SNAP47: variants seen among roughly 807,000 people sequenced by gnomAD.
SNAP47 encodes the protein synaptosomal-associated protein 47.
Under a neutral mutation model 31.4 loss-of-function variants are expected in SNAP47, and 20 were observed. The ratio of observed to expected loss-of-function variants is 0.64; its 90% CI spans 0.45 to 0.93. The LOEUF is 0.93. Among genes scored for constraint, SNAP47 ranks in the 40% least tolerant of loss-of-function variants. The pLI is 0.00. For synonymous variants in SNAP47, 194 were observed against 213.4 expected, an observed-to-expected ratio of 0.91 and a Z score of 0.79; for missense variants, 492 against 528.5, an observed-to-expected ratio of 0.93 and a Z score of 0.68.
intron 4 of SNAP47, chr1:227,777,336 C>T (rs985931659): frequency 1.2e-5 from 2 of 164,024 alleles, no homozygotes; most frequent in African/African-American, 4.8e-5. Context: ...GCCGGGCTGC[C>T]TGGGTCTGTT....
chr1:227,776,287 G>A, intron 4 of SNAP47: 2 of 1,005,648 alleles, frequency 2.0e-6, no homozygotes, highest in Non-Finnish European at 2.4e-6. Context: ...GGATTGTACT[G>A]TCCTTCAAGC....
intron 4 of SNAP47, chr1:227,777,109 TA>T (rs3835265): frequency 0.058 from 48,461 of 835,446 alleles, 2,131 homozygotes; most frequent in East Asian, 0.39. Flanking sequence ...ATGTCTTTTT[TA>T]AAAAAAAAAG....
In SNAP47 at chr1:227,763,030, C is replaced by T. The variant is rs1663164180; in HGVS notation, c.988+3545C>T. Reference sequence around the variant, plus strand: ...GGAGTGCAGAGGTGCAATCATAGCTCACTGTAACTTCAATCTCCTGGGCCC... The same window carrying T: ...GGAGTGCAGAGGTGCAATCATAGCTTACTGTAACTTCAATCTCCTGGGCCC... On this transcript the variant is annotated intron_variant, in intron 3 of 4. Coordinates refer to ENST00000617596, the MANE Select transcript of SNAP47 (RefSeq NM_053052.4). The surrounding 1 kb of genome is among the most constrained non-coding windows in gnomAD (Gnocchi z 4.2). 6.6e-6 allele frequency among the ~76,000 whole-genome samples: 1 copy of T among 152,088 alleles called. No homozygotes were observed. Among genetic ancestry groups the T allele is most frequent in the Admixed American group, 6.5e-5 (1 of 15,274 alleles).
chr1:227,732,919 A>G (rs752009465), upstream of SNAP47: 28 of 1,612,774 alleles, frequency 1.7e-5, no homozygotes, highest in Admixed American at 4.7e-4. Context: ...GAGTCCCTCC[A>G]CTCGCTGACC....
intron 1 of SNAP47, chr1:227,745,834 G>A (rs1353370671): frequency 6.6e-6 from 1 of 152,264 alleles, no homozygotes; most frequent in Non-Finnish European, 1.5e-5. Context: ...CTCTGGCCAA[G>A]AGGGAGAAAC....
intron 1 of SNAP47, among the ~76,000 whole-genome samples, chr1:227,745,164 C>T (rs982202164): frequency 6.6e-6 from 1 of 152,170 alleles, no homozygotes; most frequent in Non-Finnish European, 1.5e-5. Context: ...ATGTGATTTT[C>T]TATTGTTTGT....
chr1:227,751,795 G>A (rs1185434166), intron 2 of SNAP47, among the ~76,000 whole-genome samples: 4 of 108,740 alleles, frequency 3.7e-5, no homozygotes, highest in Non-Finnish European at 5.0e-5. Flanking sequence ...ACGGAGTCTC[G>A]CTCTGTCTCC....
In SNAP47 at chr1:227,762,048, A is replaced by G. The variant is rs1382584421; in HGVS notation, c.988+2563A>G. Among the ~76,000 whole-genome samples the G allele has an allele frequency of 6.6e-6, 1 of 152,178 alleles. No individual in the cohort carries two copies. The highest frequency in any genetic ancestry group is 2.4e-5 in the African/African-American group (1 of 41,442). On this transcript the variant is annotated intron_variant, in intron 3 of 4. Coordinates refer to ENST00000617596, the MANE Select transcript of SNAP47 (RefSeq NM_053052.4). This position sits in a 1 kb window ranked among gnomAD's most constrained non-coding sequence, Gnocchi z 4.2. ...TCACCTGAGTGTGGGTTGTAGCCACAGCGAGCACCGTCTTTTCACTTGCAC... is the reference window on the plus strand; with the variant it reads ...TCACCTGAGTGTGGGTTGTAGCCACGGCGAGCACCGTCTTTTCACTTGCAC...
chr1:227,768,045 A>G (rs769470130), intron 4 of SNAP47, among the ~76,000 whole-genome samples: 2 of 152,226 alleles, frequency 1.3e-5, no homozygotes, highest in African/African-American at 4.8e-5. Context: ...AAATATCTCC[A>G]TATGTATCAT....
chr1:227,728,813 C>G (rs1331138040), intron 1 of SNAP47: 1 of 152,202 alleles, frequency 6.6e-6, no homozygotes, highest in Non-Finnish European at 1.5e-5. Context: ...CGATTCCCGA[C>G]AGGAGAGGCG....
In SNAP47 at chr1:227,759,053, A is replaced by G; in HGVS notation, c.556A>G (p.Thr186Ala). 1.2e-6 allele frequency: 2 copies of G among 1,613,848 alleles called. No homozygotes were observed. The highest frequency in any genetic ancestry group is 1.3e-5 in the African/African-American group (1 of 75,044). The change falls in exon 3 of 5, where the codon ACA becomes GCA. Residue 186 changes from threonine to alanine, a missense_variant. Transcript: ENST00000617596. ...GCCCTTTAGCTCCAAGCTTTGGAAGACACCACCGGAAACAAAGCCCAGGGA... is the reference window on the plus strand; with the variant it reads ...GCCCTTTAGCTCCAAGCTTTGGAAGGCACCACCGGAAACAAAGCCCAGGGA... ...WWPFSSKLWK[T>A]PPETKPREDV...
chr1:227,732,688 G>A (rs779422952), upstream of SNAP47: 3 of 1,611,102 alleles, frequency 1.9e-6, no homozygotes, highest in African/African-American at 1.3e-5. Flanking sequence ...TGGGCAGAGG[G>A]AAGAGGCCAG....
upstream of SNAP47, chr1:227,735,309 C>A (rs1661028057): frequency 1.2e-6 from 2 of 1,603,506 alleles, no homozygotes; most frequent in Non-Finnish European, 1.7e-6. Flanking sequence ...CTCCTCCTCA[C>A]TTCCGCCGGA....
intron 2 of SNAP47, among the ~76,000 whole-genome samples, chr1:227,753,834 A>T (rs1662527803): frequency 6.6e-6 from 1 of 152,018 alleles, no homozygotes; most frequent in Admixed American, 6.5e-5. Context: ...GAGCATACAG[A>T]CAGGCAGGCT....
upstream of SNAP47, chr1:227,735,220 G>C (rs764942916): frequency 1.4e-5 from 22 of 1,593,066 alleles, no homozygotes; most frequent in Admixed American, 1.6e-4. Context: ...CGGGGACATC[G>C]ACCCCCAGGC....
At chr1:227,777,149 G>A (rs1022630456) in intron 4 of SNAP47, 2 of 824,804 alleles carry the variant, frequency 2.4e-6, no homozygotes, top group African/African-American at 1.9e-5. Flanking sequence ...TATATTCTGG[G>A]GAGATGTCAT....
At chr1:227,772,327 C>T (rs1663868775) in intron 4 of SNAP47, among the ~76,000 whole-genome samples, 1 of 151,994 alleles carries the variant, frequency 6.6e-6, no homozygotes. Flanking sequence ...GACACGAACC[C>T]ACGTTTCTGC....
Position 227,763,681 on chromosome 1 carries a change from G to A in SNAP47, c.989-3278G>A, listed in dbSNP as rs1202121789. On this transcript the variant is annotated intron_variant, in intron 3 of 4. Coordinates refer to ENST00000617596, the MANE Select transcript of SNAP47 (RefSeq NM_053052.4). The surrounding 1 kb of genome is among the most constrained non-coding windows in gnomAD (Gnocchi z 4.2). Reference sequence around the variant, plus strand: ...AGCCCCCACCTGCGCGTGCGTATTGGTTGAGTGGGAGATGGAGCACACAAG... The same window carrying A: ...AGCCCCCACCTGCGCGTGCGTATTGATTGAGTGGGAGATGGAGCACACAAG... Among the ~76,000 whole-genome samples, 1 of 152,212 alleles carries A rather than the reference G, an allele frequency of 6.6e-6. No individual in the cohort carries two copies. The highest frequency in any genetic ancestry group is 1.5e-5 in the Non-Finnish European group (1 of 68,040).
chr1:227,752,930 C>T (rs936439338), intron 2 of SNAP47, among the ~76,000 whole-genome samples: 1 of 152,218 alleles, frequency 6.6e-6, no homozygotes, highest in Non-Finnish European at 1.5e-5. Flanking sequence ...CAGCCCATTC[C>T]CAGAGCTGTT....
Sources: allele counts gnomAD v4.1 joint callset (sites outside exome capture counted in the v4.1 genomes callset), GRCh38; gene constraint gnomAD v4.1.1; non-coding constraint Gnocchi (gnomAD v3.1); transcripts MANE v1.5; gene names NCBI Gene and HGNC (gene_info 2026-07-23, HGNC 2026-07-21).